HECTD4: variants seen among roughly 807,000 people sequenced by gnomAD.
HECTD4 encodes the protein probable E3 ubiquitin-protein ligase HECTD4.
A neutral mutation model predicts 471.5 loss-of-function variants in HECTD4; 114 were observed. The ratio of observed to expected loss-of-function variants is 0.24; its 90% CI spans 0.21 to 0.28. HECTD4 has a LOEUF of 0.28. Among genes scored for constraint, HECTD4 ranks in the 10% least tolerant of loss-of-function variants. HECTD4 has a pLI of 1.00. For synonymous variants in HECTD4, 2,012 were observed against 2,256.0 expected, an observed-to-expected ratio of 0.89 and a Z score of 3.07; for missense variants, 3,866 against 5,651.5, an observed-to-expected ratio of 0.68 and a Z score of 10.13.
rs756329593 is a variant in HECTD4, at chr12:112,258,531, T to G, written c.3093A>C (p.Ala1031=). The G allele has an allele frequency of 1.9e-6, 3 of 1,604,970 alleles. No homozygotes were observed. The highest frequency in any genetic ancestry group is 1.7e-4 in the Middle Eastern group (1 of 6,044). Residue 1031 remains alanine (A), a synonymous_variant, in exon 20 of 76, where the codon GCA becomes GCC. Coordinates refer to ENST00000682272, the MANE Select transcript of HECTD4 (RefSeq NM_001388303.1). ...GGAACAGCCTGCACTTCTGGTCTGG[T>G]GCACCACACGGGGAACAGCCCACCT... is the stretch of plus-strand genomic sequence containing the variant. ...FAEVGCSPCG[A]PDQKCRLFPD... is the part of the protein sequence containing the mutation.
chr12:112,267,040 A>C (rs1194830100), intron 13 of HECTD4, 58 bp from the exon 14 acceptor site: 2 of 921,640 alleles, frequency 2.2e-6, no homozygotes, highest in East Asian at 5.3e-5. Context: ...ATCAACTCTA[A>C]ATATTTAAAT....
At chr12:112,330,872 A>G (rs1275582161) in intron 1 of HECTD4, among the ~76,000 whole-genome samples, 1 of 152,172 alleles carries the variant, frequency 6.6e-6, no homozygotes, top group Non-Finnish European at 1.5e-5. Context: ...GAACCTTTTA[A>G]TTAGATGAAG....
chr12:112,359,443 G>A lies in HECTD4; in HGVS notation c.177+22509C>T, dbSNP rs2158225. On this transcript the variant is annotated intron_variant, in intron 1 of 75. Transcript: ENST00000682272. ...TTATTATGTATTTTATTTTTGAGAC[G>A]GAGTCTCACTCTGTCGCCCACACTG... Among the ~76,000 whole-genome samples the A allele has an allele frequency of 0.046, 7,037 of 152,032 alleles. 1,219 individuals are homozygous for A. The East Asian group carries it at 0.61, about 13-fold the overall frequency.
chr12:112,292,925 G>A (rs1247502221), intron 7 of HECTD4, among the ~76,000 whole-genome samples: 2 of 152,098 alleles, frequency 1.3e-5, no homozygotes, highest in East Asian at 3.9e-4. Flanking sequence ...GGGAGGCTGA[G>A]GCAGGAGAAT....
chr12:112,295,933 A>T (rs1163141568), intron 7 of HECTD4, among the ~76,000 whole-genome samples: 1 of 152,050 alleles, frequency 6.6e-6, no homozygotes, highest in Admixed American at 6.6e-5. Context: ...AAGTGCTGGG[A>T]TTACAGGTGT....
chr12:112,219,889 C>A (rs893172130), intron 44 of HECTD4, among the ~76,000 whole-genome samples: 16 of 152,274 alleles, frequency 1.1e-4, no homozygotes, highest in Non-Finnish European at 2.2e-4. Context: ...CTTGAGCCAC[C>A]GCGCCCAGCC....
rs2032320529 is a variant in HECTD4 at position 112,198,621 on chromosome 12, G to A, written c.8567+2017C>T. Among the ~76,000 whole-genome samples the A allele has an allele frequency of 1.3e-5, 2 of 152,154 alleles. 1 individual carries two copies. The highest frequency in any genetic ancestry group is 4.1e-4 in the South Asian group (2 of 4,834). ...TGGCACTTGCTGATAGCTCTCTTGA[G>A]GAAAAAGGATGGTTTGTGGTGCCCC... On this transcript the variant is annotated intron_variant, in intron 55 of 75. Transcript: ENST00000682272.
rs564695010 is a variant in HECTD4, at chr12:112,165,412, C to T, written c.12535-1137G>A. Among the ~76,000 whole-genome samples, 736 of 145,574 alleles carry T rather than the reference C, an allele frequency of 5.1e-3. 6 individuals carry two copies. Among genetic ancestry groups the T allele is most frequent in the African/African-American group, 0.017 (672 of 39,094 alleles). On this transcript the variant is annotated intron_variant, in intron 72 of 75. Coordinates refer to ENST00000682272, the MANE Select transcript of HECTD4 (RefSeq NM_001388303.1). ...TGTCGCCCAGGCTGGAGTGCAGTGG[C>T]GCGATATCAGCTCACTGCAAGCTCC...
chr12:112,270,403 T>C lies in HECTD4; in HGVS notation c.1999A>G (p.Met667Val), dbSNP rs2034390026. ...INQLLHHVGAMCIHQLNLLAT... is the reference protein window; with the variant it reads ...INQLLHHVGAVCIHQLNLLAT... ...AGAAGATTGAGTTGGTGTATGCACA[T>C]CGCACCAACGTGGTGCAATAATTGG... Residue 667 changes from methionine (M) to valine (V), a missense_variant, in exon 12 of 76, where the codon ATG (methionine) becomes GTG (valine). By Grantham distance (21) the Met-to-Val change is conservative. Transcript: ENST00000682272. 1.2e-6 allele frequency: 2 copies of C among 1,613,922 alleles called. No homozygotes were observed. Among genetic ancestry groups the C allele is most frequent in the Non-Finnish European group, 1.7e-6 (2 of 1,179,904 alleles).
At chr12:112,183,314 A>AT in intron 61 of HECTD4, 48 bp from the exon 62 acceptor site, 1 of 1,441,802 alleles carries the variant, frequency 6.9e-7, no homozygotes. Context: ...TTGACCAGTC[A>AT]TTCAGTGTGA....
chr12:112,316,723 T>C (rs1244616052), intron 2 of HECTD4, among the ~76,000 whole-genome samples: 1 of 152,148 alleles, frequency 6.6e-6, no homozygotes, highest in Admixed American at 6.6e-5. Flanking sequence ...GGTTACTTTG[T>C]CTTTGAGAGC....
Position 112,200,849 on chromosome 12 carries a change from ATGTGTGCGTGCGTGCGTGTG to A in HECTD4, c.8407-71_8407-52del, listed in dbSNP as rs1429189265. ...TTTGTGCTGTTTGCTTTTGTTTTCC[ATGTGTGCGTGCGTGCGTGTG>A]TGTGTGCGTGCGTGCGTGTGTGTGT... is the stretch of plus-strand genomic sequence containing the variant. On this transcript the variant is annotated intron_variant, in intron 54 of 75. Transcript: ENST00000682272. The A allele has an allele frequency of 1.6e-4, 246 of 1,560,686 alleles. No homozygotes were observed. The African/African-American group carries it at 2.8e-3, about 18-fold the overall frequency.
At chr12:112,197,153 C>T (rs996166770) in intron 55 of HECTD4, among the ~76,000 whole-genome samples, 4 of 151,726 alleles carry the variant, frequency 2.6e-5, no homozygotes, top group African/African-American at 9.7e-5. Context: ...CTCAAATGAT[C>T]TTCCTTCCTT....
At chr12:112,318,840 A>T (rs927956572) in intron 2 of HECTD4, among the ~76,000 whole-genome samples, 4 of 152,218 alleles carry the variant, frequency 2.6e-5, no homozygotes, top group African/African-American at 9.6e-5. Flanking sequence ...CAGGTATGAA[A>T]AATTAATAGC....
intron 1 of HECTD4, among the ~76,000 whole-genome samples, chr12:112,372,764 T>G (rs2036707284): frequency 6.6e-6 from 1 of 151,966 alleles, no homozygotes; most frequent in African/African-American, 2.4e-5. Context: ...TTATTTTTGT[T>G]TGGTTTTTTT....
intron 1 of HECTD4, among the ~76,000 whole-genome samples, chr12:112,365,761 GTTTTTTTTTTGT>G (rs1245005253): frequency 7.8e-6 from 1 of 128,878 alleles, no homozygotes; most frequent in African/African-American, 2.9e-5. Context: ...GCTTCTTTGT[GTTTTTTTTTTGT>G]TTTTTTTTTT....
intron 16 of HECTD4, 68 bp from the exon 17 acceptor site, chr12:112,264,280 G>C (rs1363789701): frequency 1.5e-6 from 2 of 1,293,050 alleles, no homozygotes; most frequent in Non-Finnish European, 2.0e-6. Context: ...TAATCCTCAT[G>C]TTTTTAAAAG....
Position 112,208,879 on chromosome 12 carries a change from T to C in HECTD4, c.7868-249A>G, listed in dbSNP as rs1263188351. Reference sequence around the variant, plus strand: ...ACTTTAGAAAGTCCTTCACTATAGATAGAACTAAACAGGCTTTTTTTTTTT... The same window carrying C: ...ACTTTAGAAAGTCCTTCACTATAGACAGAACTAAACAGGCTTTTTTTTTTT... On this transcript the variant is annotated intron_variant, in intron 50 of 75. Coordinates refer to ENST00000682272, the MANE Select transcript of HECTD4 (RefSeq NM_001388303.1). Among the ~76,000 whole-genome samples, 27 of 144,090 alleles carry C rather than the reference T, an allele frequency of 1.9e-4. 1 individual carries two copies. The highest frequency in any genetic ancestry group is 1.9e-3 in the Admixed American group (26 of 13,990). The allele number at this position is 144,090 out of a possible 152,430, so 94.5% of individuals were successfully genotyped here. A position where few individuals can be genotyped will look rare whatever the true frequency, so the allele number is the denominator to read the frequency against.
At chr12:112,363,884 G>A (rs1263950323) in intron 1 of HECTD4, among the ~76,000 whole-genome samples, 2 of 150,250 alleles carry the variant, frequency 1.3e-5, no homozygotes, top group Non-Finnish European at 2.9e-5. Context: ...GCTGAGGCAG[G>A]AGAATTGCTT....
Sources: gnomAD v4.1 joint callset for allele counts (sites outside exome capture counted in the v4.1 genomes callset) on GRCh38, gnomAD v4.1.1 for gene constraint, MANE v1.5 for transcripts, NCBI Gene and HGNC (gene_info 2026-07-23, HGNC 2026-07-21) for gene names.